PKP4: variants seen among roughly 807,000 people sequenced by gnomAD.
PKP4 encodes the protein plakophilin-4.
In PKP4, 90 loss-of-function variants were observed where a neutral mutation model predicts 145.1. The observed-to-expected ratio is 0.62, with a 90% CI of 0.52 to 0.74. The LOEUF (loss-of-function observed/expected upper bound fraction) is 0.74. Among genes scored for constraint, PKP4 ranks in the 30% least tolerant of loss-of-function variants. The pLI is 0.00. For missense variants in PKP4, 1,340 were observed against 1,482.7 expected (o/e 0.90, Z 1.58); for synonymous variants, 563 against 577.2 (o/e 0.98, Z 0.35).
intron 1 of PKP4, among the ~76,000 whole-genome samples, chr2:158,498,984 G>A (rs897818948): frequency 2.6e-5 from 4 of 152,128 alleles, no homozygotes; most frequent in South Asian, 2.1e-4. Flanking sequence ...TTAAGCCCAC[G>A]GGGCTGGTGC....
intron 1 of PKP4, chr2:158,457,864 C>G (rs571319377): frequency 6.5e-6 from 1 of 153,606 alleles, no homozygotes; most frequent in Non-Finnish European, 1.4e-5. Flanking sequence ...TCCCGGCTCC[C>G]CAGCGCCGAG....
intron 11 of PKP4, among the ~76,000 whole-genome samples, chr2:158,648,838 A>G (rs2055068946): frequency 6.6e-6 from 1 of 152,198 alleles, no homozygotes; most frequent in Admixed American, 6.5e-5. Context: ...ATCTCTACTA[A>G]AAATACAAAA....
chr2:158,629,252 T>C (rs574534182), intron 7 of PKP4, among the ~76,000 whole-genome samples: 1 of 152,270 alleles, frequency 6.6e-6, no homozygotes, highest in East Asian at 1.9e-4. Flanking sequence ...TGTGGAGGGC[T>C]CTGTGGAGTT....
At chr2:158,678,755 T>G (rs1575158772) in intron 21 of PKP4, 101 bp downstream of exon 21, 1 of 805,290 alleles carries the variant, frequency 1.2e-6, no homozygotes, top group Non-Finnish European at 2.2e-6. Flanking sequence ...CATGGCAGGG[T>G]CCTAGATGCT....
Position 158,505,372 on chromosome 2 carries a change from T to C in PKP4, c.-5-27808T>C, listed in dbSNP as rs145570449. Among the ~76,000 whole-genome samples the C allele has an allele frequency of 1.2e-3, 181 of 152,224 alleles. 1 individual carries two copies. Among genetic ancestry groups the C allele is most frequent in the African/African-American group, 4.0e-3 (165 of 41,542 alleles). ...AGATTCTACCCACCTGCCAAATGTA[T>C]GCCTATCAGGAAAGCCAAAGACAAC... On this transcript the variant is annotated intron_variant, in intron 1 of 21. Coordinates refer to ENST00000389759, the MANE Select transcript of PKP4 (RefSeq NM_003628.6).
intron 1 of PKP4, among the ~76,000 whole-genome samples, chr2:158,469,185 G>A (rs1420753200): frequency 6.6e-6 from 1 of 151,990 alleles, no homozygotes; most frequent in Non-Finnish European, 1.5e-5. Flanking sequence ...TGCCTCCTGG[G>A]TTCAAGCTAT....
Position 158,533,258 on chromosome 2 carries a change from G to T in PKP4, c.74G>T (p.Gly25Val). 6.2e-7 allele frequency: 1 copy of T among 1,614,120 alleles called. No homozygotes were observed. The highest frequency in any genetic ancestry group is 8.5e-7 in the Non-Finnish European group (1 of 1,180,014). Residue 25 changes from glycine (G) to valine (V), a missense_variant, in exon 2 of 22, where the codon GGC becomes GTC. By Grantham distance (109) the Gly-to-Val change is moderately radical. Transcript: ENST00000389759. ...PQTRQEAAST[G>V]PGMEPETTAT... ...ACCCGCCAGGAAGCTGCCTCCACTG[G>T]CCCAGGCATGGAACCCGAGACCACA...
chr2:158,643,712 CAA>C (rs762303684), intron 11 of PKP4, among the ~76,000 whole-genome samples: 11 of 69,742 alleles, frequency 1.6e-4, no homozygotes, highest in Admixed American at 1.8e-4. Context: ...GGCCCTGTTT[CAA>C]AAAAAAAAAA....
Position 158,576,178 on chromosome 2 carries a change from C to CA in PKP4, c.133-1091dup, listed in dbSNP as rs2047832619. On this transcript the variant is annotated intron_variant, in intron 2 of 21. Transcript: ENST00000389759. ...AATTTGCAGAGCCAGTACTGTCAAGCAATTACATGTTTGCCTGATTTCACA... is the reference window on the plus strand; with the variant it reads ...AATTTGCAGAGCCAGTACTGTCAAGCAAATTACATGTTTGCCTGATTTCACA... Among the ~76,000 whole-genome samples, 8 of 152,288 alleles carry CA rather than the reference C, an allele frequency of 5.3e-5. No homozygotes were observed. In the South Asian group the frequency reaches 1.7e-3, roughly 32 times the overall value.
At chr2:158,533,463 G>A (rs767347694) in intron 2 of PKP4, 147 bp downstream of exon 2, 1 of 970,904 alleles carries the variant, frequency 1.0e-6, no homozygotes, top group South Asian at 1.4e-5. Context: ...AGTACATTGG[G>A]ATGACTGGCA....
intron 9 of PKP4, among the ~76,000 whole-genome samples, chr2:158,636,172 C>A (rs2053793183): frequency 6.6e-6 from 1 of 152,066 alleles, no homozygotes; most frequent in South Asian, 2.1e-4. Flanking sequence ...TTCCCTTTGG[C>A]CTAAAGAACT....
rs2054387272 is a variant in PKP4, at chr2:158,642,495, T to C, written c.1705T>C (p.Leu569=). 6.2e-7 allele frequency: 1 copy of C among 1,608,162 alleles called. No homozygotes were observed. The highest frequency in any genetic ancestry group is 1.7e-5 in the Admixed American group (1 of 59,748). ...ATATTTTTCATTCTAGGTGTGTAGG[T>C]TAGGGGGAATCAAGCATCTGGTTGA... The part of the protein sequence containing the change: ...DNKVKMEVCR[L]GGIKHLVDLL... The change falls in exon 11 of 22, where the codon TTA becomes CTA. Residue 569 remains leucine, a synonymous_variant. Coordinates refer to ENST00000389759, the MANE Select transcript of PKP4 (RefSeq NM_003628.6).
intron 1 of PKP4, among the ~76,000 whole-genome samples, chr2:158,524,517 G>A (rs369304541): frequency 1.4e-4 from 10 of 71,700 alleles, no homozygotes; most frequent in Admixed American, 4.8e-4. Flanking sequence ...GGTACCAGCC[G>A]CTGCAAAATC....
rs1575171422 is a variant in PKP4, at chr2:158,680,955, G to A, written c.*278G>A. 3.1e-6 allele frequency: 1 copy of A among 327,066 alleles called. No homozygotes were observed. Among genetic ancestry groups the A allele is most frequent in the Non-Finnish European group, 5.6e-6 (1 of 179,460 alleles). The allele number at this position is 327,066 out of a possible 1,614,324, so 20.3% of individuals were successfully genotyped here. On this transcript the variant is annotated 3_prime_UTR_variant, in exon 22 of 22. Transcript: ENST00000389759. ...GTGATGAGAGGTTTGAGAAATGGGT[G>A]AAATGAAATGGGGGATATGTAGGTC...
At chr2:158,459,013 T>G (rs1192129013) in intron 1 of PKP4, among the ~76,000 whole-genome samples, 1 of 152,216 alleles carries the variant, frequency 6.6e-6, no homozygotes, top group Non-Finnish European at 1.5e-5. Flanking sequence ...ATGGCTAGTA[T>G]GCATTTTTGG....
intron 15 of PKP4, 65 bp from the exon 16 acceptor site, chr2:158,666,348 G>T: frequency 1.6e-6 from 2 of 1,280,578 alleles, no homozygotes; most frequent in Non-Finnish European, 2.1e-6. Flanking sequence ...TCTTTTTTAG[G>T]TGACAGTAAC....
At chr2:158,643,712 C>CAAAAA (rs762303684) in intron 11 of PKP4, among the ~76,000 whole-genome samples, 7,122 of 68,962 alleles carry the variant, frequency 0.1, 347 homozygotes, top group Middle Eastern at 0.16. Flanking sequence ...GGCCCTGTTT[C>CAAAAA]AAAAAAAAAA....
chr2:158,648,437 T>C (rs1054365188), intron 11 of PKP4, among the ~76,000 whole-genome samples: 2 of 152,228 alleles, frequency 1.3e-5, no homozygotes, highest in East Asian at 1.9e-4. Flanking sequence ...TAGTCTTATA[T>C]ACTATAAAAA....
chr2:158,500,794 T>C (rs1387985523), intron 1 of PKP4, among the ~76,000 whole-genome samples: 1 of 152,186 alleles, frequency 6.6e-6, no homozygotes, highest in Non-Finnish European at 1.5e-5. Context: ...CGTGAGAAAG[T>C]CCTCATATTC....
Sources: gnomAD v4.1 joint callset for allele counts (sites outside exome capture counted in the v4.1 genomes callset) on GRCh38, gnomAD v4.1.1 for gene constraint, MANE v1.5 for transcripts, NCBI Gene and HGNC (gene_info 2026-07-23, HGNC 2026-07-21) for gene names.